Variants in ARHGAP10 observed in about 807,000 individuals in gnomAD.
ARHGAP10 encodes the protein rho GTPase-activating protein 10.
Under a neutral mutation model 108.6 loss-of-function variants are expected in ARHGAP10, and 87 were observed. That is an observed-to-expected ratio of 0.80 (90% CI 0.67 to 0.96). ARHGAP10 has a LOEUF of 0.96. ARHGAP10 is among the 40% of genes least tolerant of loss of function. The probability of loss-of-function intolerance (pLI) is 0.00; values close to 1 mark genes in which losing one functional copy is unlikely to be tolerated. For synonymous variants in ARHGAP10, 347 were observed against 341.1 expected, an observed-to-expected ratio of 1.02 and a Z score of -0.19; for missense variants, 939 against 954.5, an observed-to-expected ratio of 0.98 and a Z score of 0.21.
Position 147,906,648 on chromosome 4 carries a change from T to G in ARHGAP10, c.1045T>G (p.Ser349Ala). The G allele has an allele frequency of 6.2e-7, 1 of 1,614,150 alleles. No homozygotes were observed. Among genetic ancestry groups the G allele is most frequent in the Non-Finnish European group, 8.5e-7 (1 of 1,180,000 alleles). ...ACTGGTGTCTTTCAGGCCTGGCGTT[T>G]CCTTGACCATGCAGGCATTTTCCGA... ...DIEAADRPGV[S>A]LTMQAFSEEE... The change falls in exon 11 of 23, where the codon TCC becomes GCC. Residue 349 changes from serine (S) to alanine (A), a missense_variant. By Grantham distance (99) the Ser-to-Ala change is moderately conservative. Transcript: ENST00000336498.
chr4:147,847,366 G>A (rs1733678415), intron 4 of ARHGAP10, 144 bp downstream of exon 4: 1 of 770,098 alleles, frequency 1.3e-6, no homozygotes, highest in African/African-American at 1.8e-5. Context: ...TCCCCCTTTG[G>A]GGGATATGGA....
chr4:147,982,501 A>G (rs560792417), intron 18 of ARHGAP10, among the ~76,000 whole-genome samples: 1 of 138,678 alleles, frequency 7.2e-6, no homozygotes, highest in African/African-American at 2.8e-5. Flanking sequence ...GCTTCCTAAG[A>G]CTGTAGCTGG....
In ARHGAP10 at chr4:147,866,759, T is replaced by C. The variant is rs1010224811; in HGVS notation, c.645T>C (p.His215=). Residue 215 remains histidine, a synonymous_variant, in exon 7 of 23, where the codon CAT becomes CAC. Coordinates refer to ENST00000336498, the MANE Select transcript of ARHGAP10 (RefSeq NM_024605.4). ...TGTTTACCTTCTATCATCAGGGCCATGAACTTGCCAAAGACTTCAATCACT... is the reference window on the plus strand; with the variant it reads ...TGTTTACCTTCTATCATCAGGGCCACGAACTTGCCAAAGACTTCAATCACT... ...QGMFTFYHQG[H]ELAKDFNHYK... The C allele has an allele frequency of 1.2e-6, 2 of 1,614,028 alleles. No homozygotes were observed. The highest frequency in any genetic ancestry group is 1.7e-5 in the Admixed American group (1 of 60,008).
intron 3 of ARHGAP10, among the ~76,000 whole-genome samples, chr4:147,828,741 T>C (rs1184256653): frequency 6.6e-6 from 1 of 152,214 alleles, no homozygotes; most frequent in Admixed American, 6.5e-5. Flanking sequence ...TGTCCAGCTT[T>C]GTTCCTACTA....
chr4:147,890,439 A>G (rs1735753547), intron 10 of ARHGAP10, among the ~76,000 whole-genome samples: 2 of 152,216 alleles, frequency 1.3e-5, no homozygotes, highest in Non-Finnish European at 2.9e-5. Flanking sequence ...TTGTTTCTAG[A>G]ATATATAAAG....
At chr4:147,791,044 T>C (rs1352980898) in intron 1 of ARHGAP10, among the ~76,000 whole-genome samples, 5 of 152,034 alleles carry the variant, frequency 3.3e-5, no homozygotes, top group African/African-American at 9.7e-5. Context: ...TGTATGAGTT[T>C]ATGAGTAATG....
chr4:147,989,229 T>G (rs1160480494), intron 18 of ARHGAP10, among the ~76,000 whole-genome samples: 1 of 152,170 alleles, frequency 6.6e-6, no homozygotes, highest in Non-Finnish European at 1.5e-5. Context: ...AGACATCAAG[T>G]ACTTAACAGG....
At chr4:147,776,119 A>C (rs1730277928) in intron 1 of ARHGAP10, among the ~76,000 whole-genome samples, 1 of 152,206 alleles carries the variant, frequency 6.6e-6, no homozygotes, top group African/African-American at 2.4e-5. Flanking sequence ...GCCTCCTCGT[A>C]ATCATTAACT....
intron 18 of ARHGAP10, among the ~76,000 whole-genome samples, chr4:148,007,496 G>C (rs1425219081): frequency 6.6e-6 from 1 of 152,182 alleles, no homozygotes; most frequent in African/African-American, 2.4e-5. Context: ...GCTTGATGAG[G>C]ATATCTTCTG....
At chr4:147,940,913 TA>T (rs1738144285) in intron 14 of ARHGAP10, among the ~76,000 whole-genome samples, 1 of 152,222 alleles carries the variant, frequency 6.6e-6, no homozygotes, top group Admixed American at 6.5e-5. Context: ...AGAGCCTTAT[TA>T]GAATACATTC....
intron 19 of ARHGAP10, among the ~76,000 whole-genome samples, chr4:148,045,571 G>A (rs965349723): frequency 4.6e-5 from 7 of 151,276 alleles, no homozygotes; most frequent in Non-Finnish European, 7.4e-5. Context: ...AAACCCTGTC[G>A]CTACTAAAAA....
intron 18 of ARHGAP10, among the ~76,000 whole-genome samples, chr4:147,969,350 G>A (rs1055519763): frequency 1.2e-4 from 15 of 127,906 alleles, no homozygotes; most frequent in African/African-American, 4.6e-4. Context: ...TTTTTTGCCA[G>A]TGGTGGTGAA....
At chr4:147,770,754 G>A (rs552378268) in intron 1 of ARHGAP10, among the ~76,000 whole-genome samples, 1 of 152,280 alleles carries the variant, frequency 6.6e-6, no homozygotes, top group African/African-American at 2.4e-5. Flanking sequence ...GCCCATCTGA[G>A]CTTCGGTGTT....
Position 147,771,814 on chromosome 4 carries a change from A to G in ARHGAP10, c.154+39359A>G, listed in dbSNP as rs570417128. On this transcript the variant is annotated intron_variant, in intron 1 of 22. Coordinates refer to ENST00000336498, the MANE Select transcript of ARHGAP10 (RefSeq NM_024605.4). ...ATTAGTATTTTTTTCTTTTCTTGAGATGGAGTCTTGCCTTGTCACCAGGCT... is the reference window on the plus strand; with the variant it reads ...ATTAGTATTTTTTTCTTTTCTTGAGGTGGAGTCTTGCCTTGTCACCAGGCT... 2.0e-5 allele frequency among the ~76,000 whole-genome samples: 3 copies of G among 152,072 alleles called. No individual in the cohort carries two copies. The South Asian group carries it at 6.2e-4, about 32-fold the overall frequency.
chr4:147,885,534 A>G (rs1003367646), intron 10 of ARHGAP10, among the ~76,000 whole-genome samples: 10 of 152,190 alleles, frequency 6.6e-5, no homozygotes, highest in Admixed American at 6.5e-4. Flanking sequence ...TTGGGTGGGG[A>G]CACAGCCAAA....
chr4:147,778,038 C>T (rs945578614), intron 1 of ARHGAP10, among the ~76,000 whole-genome samples: 2 of 152,092 alleles, frequency 1.3e-5, no homozygotes, highest in African/African-American at 2.4e-5. Context: ...TGCTTTCTGC[C>T]TTCAAGTTGC....
At chr4:148,045,929 C>A (rs1306424295) in intron 19 of ARHGAP10, among the ~76,000 whole-genome samples, 1 of 152,102 alleles carries the variant, frequency 6.6e-6, no homozygotes, top group African/African-American at 2.4e-5. Context: ...CATTTGCTTC[C>A]ATAGCAGTTT....
intron 3 of ARHGAP10, among the ~76,000 whole-genome samples, chr4:147,828,375 T>C (rs1343938648): frequency 5.9e-5 from 9 of 152,226 alleles, no homozygotes; most frequent in Non-Finnish European, 1.2e-4. Flanking sequence ...CCACCAGTTA[T>C]ATAAGTTCAT....
At chr4:147,909,152 A>G (rs1736629717) in intron 11 of ARHGAP10, among the ~76,000 whole-genome samples, 1 of 152,200 alleles carries the variant, frequency 6.6e-6, no homozygotes. Context: ...CACAGAACTG[A>G]GAGAAATACT....
Sources: allele counts gnomAD v4.1 joint callset (sites outside exome capture counted in the v4.1 genomes callset), GRCh38; gene constraint gnomAD v4.1.1; transcripts MANE v1.5; gene names NCBI Gene and HGNC (gene_info 2026-07-23, HGNC 2026-07-21).